Variants in MICU1 observed in about 807,000 individuals in gnomAD.
MICU1 encodes calcium uptake protein 1, mitochondrial.
MICU1 carries 45 observed loss-of-function variants against 56.8 expected under a neutral mutation model. The observed-to-expected ratio is 0.79, with a 90% CI of 0.62 to 1.02. The LOEUF is 1.02. Ranked by LOEUF, MICU1 falls within the 50% of genes least tolerant of loss-of-function variation. The pLI is 0.00. For missense variants in MICU1, 504 were observed against 587.1 expected (o/e 0.86, Z 1.46); for synonymous variants, 186 against 195.1 (o/e 0.95, Z 0.39).
At chr10:72,506,041 C>T (rs1412482492) in intron 6 of MICU1, among the ~76,000 whole-genome samples, 3 of 146,934 alleles carry the variant, frequency 2.0e-5, no homozygotes, top group African/African-American at 7.5e-5. Context: ...TAAAATCATA[C>T]CCTGATTCTA....
At chr10:72,616,716 T>A (rs1030147222) in intron 1 of MICU1, among the ~76,000 whole-genome samples, 5 of 151,758 alleles carry the variant, frequency 3.3e-5, no homozygotes, top group African/African-American at 9.7e-5. Context: ...TCTTTTCAAG[T>A]GATTATCTTC....
intron 6 of MICU1, among the ~76,000 whole-genome samples, chr10:72,492,292 G>C (rs918283051): frequency 2.0e-5 from 3 of 152,076 alleles, no homozygotes; most frequent in African/African-American, 7.2e-5. Flanking sequence ...GAAAAGCAAG[G>C]GGGAAAAAGC....
At chr10:72,581,911 A>T (rs2132508256) in intron 1 of MICU1, among the ~76,000 whole-genome samples, 1 of 152,268 alleles carries the variant, frequency 6.6e-6, no homozygotes, top group East Asian at 1.9e-4. Flanking sequence ...AAACAAGGTC[A>T]TCCTGAGTGT....
chr10:72,428,920 T>C (rs1301906328), intron 8 of MICU1, among the ~76,000 whole-genome samples: 2 of 152,212 alleles, frequency 1.3e-5, no homozygotes, highest in African/African-American at 2.4e-5. Flanking sequence ...ATATGGACTT[T>C]ACAATCAGGA....
chr10:72,499,866 CACAT>C (rs1324954917), intron 6 of MICU1, among the ~76,000 whole-genome samples: 1 of 152,114 alleles, frequency 6.6e-6, no homozygotes, highest in Non-Finnish European at 1.5e-5. Context: ...CTTTCCAAGT[CACAT>C]ACACTTTGTG....
intron 7 of MICU1, 120 bp from the exon 8 acceptor site, chr10:72,475,417 T>C: frequency 1.0e-6 from 1 of 966,480 alleles, no homozygotes; most frequent in Non-Finnish European, 1.5e-6. Flanking sequence ...TAATTATCTC[T>C]TTTAATGCTT....
intron 8 of MICU1, among the ~76,000 whole-genome samples, chr10:72,468,988 G>A (rs934725039): frequency 9.2e-5 from 14 of 152,146 alleles, no homozygotes; most frequent in Admixed American, 5.9e-4. Context: ...AAGTAGACCC[G>A]AGTTGGAATC....
chr10:72,431,094 G>GTCTGTCTA (rs1554867912), intron 8 of MICU1, among the ~76,000 whole-genome samples: 2,740 of 141,372 alleles, frequency 0.019, 67 homozygotes, highest in East Asian at 0.065. Flanking sequence ...TTATCTGTCT[G>GTCTGTCTA]TCTATCTATC....
chr10:72,540,399 T>C lies in MICU1; in HGVS notation c.494-6610A>G, dbSNP rs551561599. On this transcript the variant is annotated intron_variant, in intron 4 of 11. Coordinates refer to ENST00000361114, the MANE Select transcript of MICU1 (RefSeq NM_001195518.2). ...AAAAAAAAACTGGCATGGAGCCAGATGTGGTATCTTACACTTATAATCCCA... is the reference window on the plus strand; with the variant it reads ...AAAAAAAAACTGGCATGGAGCCAGACGTGGTATCTTACACTTATAATCCCA... Among the ~76,000 whole-genome samples, 186 of 151,656 alleles carry C rather than the reference T, an allele frequency of 1.2e-3. 1 individual carries two copies. Among genetic ancestry groups the C allele is most frequent in the African/African-American group, 4.0e-3 (167 of 41,300 alleles).
intron 2 of MICU1, among the ~76,000 whole-genome samples, chr10:72,565,980 G>C (rs998302022): frequency 6.7e-6 from 1 of 149,846 alleles, no homozygotes; most frequent in Non-Finnish European, 1.5e-5. Flanking sequence ...AAGTACCAAG[G>C]TTCCTTTGTT....
chr10:72,553,234 CT>C (rs35593530), intron 3 of MICU1, among the ~76,000 whole-genome samples: 73,929 of 128,754 alleles, frequency 0.57, 20,526 homozygotes, highest in Non-Finnish European at 0.67. Context: ...TACCTTTCTT[CT>C]TTTTTTTTTT....
chr10:72,454,105 T>G (rs1865381666), intron 8 of MICU1, among the ~76,000 whole-genome samples: 1 of 152,074 alleles, frequency 6.6e-6, no homozygotes. Flanking sequence ...GTGCTCGGAT[T>G]ACAGGCGTGA....
intron 1 of MICU1, among the ~76,000 whole-genome samples, chr10:72,567,522 T>C (rs1445985118): frequency 6.6e-6 from 1 of 152,012 alleles, no homozygotes; most frequent in Admixed American, 6.6e-5. Flanking sequence ...GGCACAGCTA[T>C]GTATGTCAGA....
intron 8 of MICU1, among the ~76,000 whole-genome samples, chr10:72,446,960 A>C (rs770846229): frequency 5.6e-4 from 86 of 152,248 alleles, no homozygotes; most frequent in Non-Finnish European, 1.0e-3. Flanking sequence ...ACAAAAAATA[A>C]GATTGAGAAA....
At chr10:72,547,536 T>TAC (rs1242711417) in intron 4 of MICU1, among the ~76,000 whole-genome samples, 1 of 148,218 alleles carries the variant, frequency 6.7e-6, no homozygotes, top group African/African-American at 2.5e-5. Context: ...CACATATGTA[T>TAC]ATATATATAT....
intron 10 of MICU1, among the ~76,000 whole-genome samples, chr10:72,407,275 T>C (rs928028497): frequency 6.6e-6 from 1 of 152,114 alleles, no homozygotes; most frequent in African/African-American, 2.4e-5. Context: ...CTTAGAGAGG[T>C]GAAAATATGC....
chr10:72,477,993 C>T (rs1009936749), intron 6 of MICU1, among the ~76,000 whole-genome samples: 3 of 151,876 alleles, frequency 2.0e-5, no homozygotes, highest in East Asian at 1.9e-4. Flanking sequence ...CTCAGCCACC[C>T]GAGTAATTGG....
intron 9 of MICU1, among the ~76,000 whole-genome samples, chr10:72,413,982 G>T (rs1227916347): frequency 6.6e-6 from 1 of 152,294 alleles, no homozygotes; most frequent in South Asian, 2.1e-4. Context: ...GACAATAACA[G>T]GTGTTGATGA....
chr10:72,597,757 G>A (rs993895985), intron 1 of MICU1, among the ~76,000 whole-genome samples: 1 of 152,070 alleles, frequency 6.6e-6, no homozygotes, highest in Admixed American at 6.6e-5. Flanking sequence ...AACAAAGTTT[G>A]CGTACATTGT....
Sources: allele counts gnomAD v4.1 joint callset (sites outside exome capture counted in the v4.1 genomes callset), GRCh38; gene constraint gnomAD v4.1.1; transcripts MANE v1.5; gene names NCBI Gene and HGNC (gene_info 2026-07-23, HGNC 2026-07-21).